The following SEPHS1 variants were observed in gnomAD, a reference collection of about 807,000 sequenced individuals.
SEPHS1 encodes selenophosphate synthetase 1, also known as zincore component SEPHS1.
In SEPHS1, 7 loss-of-function variants were observed where a neutral mutation model predicts 39.2. The observed-to-expected ratio is 0.18, with a 90% CI of 0.10 to 0.34. The LOEUF (loss-of-function observed/expected upper bound fraction) is 0.34. Among genes scored for constraint, SEPHS1 ranks in the 10% least tolerant of loss-of-function variants. The pLI is 1.00. For missense variants in SEPHS1, 253 were observed against 514.5 expected, an observed-to-expected ratio of 0.49 and a Z score of 4.92; for synonymous variants, 190 against 195.5, an observed-to-expected ratio of 0.97 and a Z score of 0.23.
chr10:13,338,975 A>T, intron 2 of SEPHS1, 167 bp from the exon 3 acceptor site: 1 of 621,726 alleles, frequency 1.6e-6, no homozygotes. Flanking sequence ...AATAAACGTG[A>T]AACATATCCA....
intron 7 of SEPHS1, among the ~76,000 whole-genome samples, chr10:13,326,673 G>A (rs973384886): frequency 6.6e-6 from 1 of 151,178 alleles, no homozygotes; most frequent in Non-Finnish European, 1.5e-5. Flanking sequence ...TCAGCCTCTC[G>A]AGTAGCTTAG....
chr10:13,325,917 A>ATAAT, intron 7 of SEPHS1, among the ~76,000 whole-genome samples: 1 of 74,590 alleles, frequency 1.3e-5, no homozygotes, highest in African/African-American at 1.1e-4. Flanking sequence ...AAAAAAAAAA[A>ATAAT]AAAAAAAAAA....
intron 1 of SEPHS1, among the ~76,000 whole-genome samples, chr10:13,347,588 C>A (rs1031648988): frequency 1.2e-4 from 17 of 147,004 alleles, no homozygotes; most frequent in African/African-American, 4.2e-4. Context: ...ACAGGGCCCG[C>A]GCGGAGAAAA....
chr10:13,337,420 C>A (rs770452351), intron 3 of SEPHS1, among the ~76,000 whole-genome samples: 21 of 152,130 alleles, frequency 1.4e-4, no homozygotes, highest in Non-Finnish European at 2.1e-4. Context: ...AAATTTTTAT[C>A]TTTTATAGAC....
At chr10:13,336,381 G>A (rs756318787) in intron 3 of SEPHS1, 31 bp from the exon 4 acceptor site, 24 of 1,517,678 alleles carry the variant, frequency 1.6e-5, no homozygotes, top group East Asian at 6.8e-5. Flanking sequence ...GAGAAAGGAC[G>A]ACCGGGGACT....
At chr10:13,331,675 G>A (rs997721716) in intron 5 of SEPHS1, among the ~76,000 whole-genome samples, 17 of 152,174 alleles carry the variant, frequency 1.1e-4, no homozygotes, top group African/African-American at 4.1e-4. Flanking sequence ...GAGCCACCAC[G>A]CCCGGCCAAA....
chr10:13,334,844 C>G (rs546614514), intron 4 of SEPHS1, among the ~76,000 whole-genome samples: 1 of 152,354 alleles, frequency 6.6e-6, no homozygotes, highest in South Asian at 2.1e-4. Flanking sequence ...TGCACAGGAC[C>G]AGCCCTAGGT....
intron 4 of SEPHS1, among the ~76,000 whole-genome samples, chr10:13,334,894 G>T (rs1833581185): frequency 6.6e-6 from 1 of 152,190 alleles, no homozygotes; most frequent in African/African-American, 2.4e-5. Flanking sequence ...TGCTCCTTGA[G>T]AATCTCAAGA....
rs563916484 is a variant in SEPHS1 at position 13,323,992 on chromosome 10, T to A, written c.752-945A>T. On this transcript the variant is annotated intron_variant, in intron 7 of 8. Coordinates refer to ENST00000327347, the MANE Select transcript of SEPHS1 (RefSeq NM_012247.5). ...ATTCACCCGACCTATTATTTAATTTTAAAAAAATTTACAGACTTTATTTTT... is the reference window on the plus strand; with the variant it reads ...ATTCACCCGACCTATTATTTAATTTAAAAAAAATTTACAGACTTTATTTTT... Among the ~76,000 whole-genome samples, 170 of 152,300 alleles carry A rather than the reference T, an allele frequency of 1.1e-3. No homozygotes were observed. In the South Asian group the frequency reaches 0.028, roughly 25 times the overall value.
At chr10:13,342,824 C>T (rs1429396972) in intron 2 of SEPHS1, among the ~76,000 whole-genome samples, 1 of 151,948 alleles carries the variant, frequency 6.6e-6, no homozygotes, top group Non-Finnish European at 1.5e-5. Context: ...TAGCCTCTGC[C>T]TCCCGGGCTC....
intron 5 of SEPHS1, 22 bp from the exon 6 acceptor site, chr10:13,329,810 G>A: frequency 6.3e-7 from 1 of 1,580,110 alleles, no homozygotes; most frequent in Non-Finnish European, 8.6e-7. Context: ...AAAAGGGCAT[G>A]TTCTAGTCAA....
chr10:13,331,007 C>CTG (rs1403986851), intron 5 of SEPHS1, among the ~76,000 whole-genome samples: 1 of 152,094 alleles, frequency 6.6e-6, no homozygotes, highest in African/African-American at 2.4e-5. Flanking sequence ...CCGACAGGCC[C>CTG]TGGTGTGTGA....
intron 7 of SEPHS1, among the ~76,000 whole-genome samples, chr10:13,326,522 T>A (rs1833297734): frequency 6.6e-6 from 1 of 151,138 alleles, no homozygotes; most frequent in African/African-American, 2.4e-5. Context: ...TACCTCTGGA[T>A]TCTCTATTCT....
intron 5 of SEPHS1, among the ~76,000 whole-genome samples, chr10:13,333,410 G>T (rs1437836225): frequency 6.6e-6 from 1 of 151,448 alleles, no homozygotes; most frequent in Non-Finnish European, 1.5e-5. Flanking sequence ...TGGGATTACA[G>T]GCATGAGCAA....
intron 5 of SEPHS1, among the ~76,000 whole-genome samples, chr10:13,331,008 T>G (rs914215537): frequency 2.0e-5 from 3 of 149,182 alleles, no homozygotes; most frequent in Non-Finnish European, 3.0e-5. Flanking sequence ...CGACAGGCCC[T>G]GGTGTGTGAT....
chr10:13,330,280 T>C (rs1472200234), intron 5 of SEPHS1, among the ~76,000 whole-genome samples: 1 of 152,076 alleles, frequency 6.6e-6, no homozygotes, highest in Non-Finnish European at 1.5e-5. Context: ...ACTGATATGC[T>C]AGAGACTCAG....
chr10:13,334,032 A>C (rs1833550008), intron 4 of SEPHS1, 61 bp from the exon 5 acceptor site: 1 of 1,414,140 alleles, frequency 7.1e-7, no homozygotes, highest in African/African-American at 1.4e-5. Flanking sequence ...CCAGAAAAGA[A>C]GGTTTTTACA....
chr10:13,343,771 G>A (rs1459798568), intron 2 of SEPHS1, among the ~76,000 whole-genome samples: 1 of 152,040 alleles, frequency 6.6e-6, no homozygotes, highest in East Asian at 1.9e-4. Flanking sequence ...CCAAGATCAC[G>A]CCACTGCACT....
At chr10:13,325,135 T>C (rs1001864243) in intron 7 of SEPHS1, among the ~76,000 whole-genome samples, 1 of 152,202 alleles carries the variant, frequency 6.6e-6, no homozygotes, top group African/African-American at 2.4e-5. Context: ...TAACAGTGTT[T>C]TTCACCGAGC....
Sources: allele counts gnomAD v4.1 joint callset (sites outside exome capture counted in the v4.1 genomes callset), GRCh38; gene constraint gnomAD v4.1.1; transcripts MANE v1.5; gene names NCBI Gene and HGNC (gene_info 2026-07-23, HGNC 2026-07-21).